The following DPP8 variants were observed in gnomAD, a reference collection of about 807,000 sequenced individuals.
DPP8 encodes DPP VIII.
In DPP8, 31 loss-of-function variants were observed where a neutral mutation model predicts 107.5. That is an observed-to-expected ratio of 0.29 (90% confidence interval 0.22 to 0.39). DPP8 has a LOEUF of 0.39. Ranked by LOEUF, DPP8 falls within the 10% of genes least tolerant of loss-of-function variation. The pLI is 1.00. For synonymous variants in DPP8, 381 were observed against 356.6 expected, an observed-to-expected ratio of 1.07 and a Z score of -0.77; for missense variants, 842 against 1,076.1, an observed-to-expected ratio of 0.78 and a Z score of 3.04.
chr15:65,492,577 A>G (rs868624322), intron 5 of DPP8, among the ~76,000 whole-genome samples: 1 of 152,112 alleles, frequency 6.6e-6, no homozygotes, highest in Non-Finnish European at 1.5e-5. Flanking sequence ...TAGGCATTAC[A>G]TATCTCATAG....
At chr15:65,493,229 G>T (rs1049328148) in intron 5 of DPP8, among the ~76,000 whole-genome samples, 2 of 151,966 alleles carry the variant, frequency 1.3e-5, no homozygotes, top group Non-Finnish European at 2.9e-5. Context: ...GATTACAGGC[G>T]TGTGCCACCA....
At position 65,474,190 on chromosome 15, in the gene DPP8, G is replaced by A. The variant is rs1265666551; in HGVS notation, c.1536+19C>T. 1.3e-6 allele frequency: 2 copies of A among 1,558,740 alleles called. No individual in the cohort carries two copies. Among genetic ancestry groups the A allele is most frequent in the South Asian group, 2.2e-5 (2 of 89,938 alleles). On this transcript the variant is annotated intron_variant, in intron 12 of 19. Transcript: ENST00000300141. ...ACAGTAATACTGACCAAACATATCA[G>A]TAGAATAAAATAACATACATTAGAT... is the stretch of plus-strand genomic sequence containing the variant.
At chr15:65,507,147 T>A in intron 3 of DPP8, 96 bp downstream of exon 3, 2 of 614,920 alleles carry the variant, frequency 3.3e-6, no homozygotes, top group Non-Finnish European at 5.4e-6. Context: ...ATTTTTTTTA[T>A]TTACATCTAC....
chr15:65,445,552 A>C lies in DPP8; in HGVS notation c.*1332T>G, dbSNP rs1037256135. The stretch of plus-strand genomic sequence containing the variant: ...ACTGTTTACAGGCTTTAAACACCAA[A>C]AAAAAAAAGAGAGCCATGGCTTGCC... On this transcript the variant is annotated 3_prime_UTR_variant, in exon 20 of 20. Transcript: ENST00000300141. 11 of 153,512 alleles carry C rather than the reference A, an allele frequency of 7.2e-5. No homozygotes were observed. Among genetic ancestry groups the C allele is most frequent in the African/African-American group, 2.7e-4 (11 of 41,396 alleles). The allele number at this position is 153,512 out of a possible 1,614,324, so 9.5% of individuals were successfully genotyped here.
At chr15:65,483,189 T>A (rs1316925694) in intron 8 of DPP8, among the ~76,000 whole-genome samples, 2 of 151,718 alleles carry the variant, frequency 1.3e-5, no homozygotes, top group Admixed American at 6.6e-5. Flanking sequence ...GGTGATAATG[T>A]GGAGAAACTG....
At chr15:65,488,546 T>C (rs2067662239) in intron 6 of DPP8, among the ~76,000 whole-genome samples, 1 of 142,294 alleles carries the variant, frequency 7.0e-6, no homozygotes, top group Admixed American at 7.6e-5. Context: ...AGGCAGACTT[T>C]GCAGTGAGCT....
At chr15:65,515,990 G>C in intron 1 of DPP8, 1 of 470,184 alleles carries the variant, frequency 2.1e-6, no homozygotes, top group Non-Finnish European at 3.7e-6. Context: ...TCAGAGATGT[G>C]TAGCCCAATA....
intron 19 of DPP8, 119 bp downstream of exon 19, chr15:65,450,880 T>C (rs2063924166): frequency 3.1e-6 from 2 of 639,468 alleles, no homozygotes; most frequent in Admixed American, 2.9e-5. Context: ...CTTACTTTAG[T>C]TCTCTTAAGC....
At chr15:65,479,404 G>C (rs1372745696) in intron 10 of DPP8, among the ~76,000 whole-genome samples, 2 of 152,038 alleles carry the variant, frequency 1.3e-5, no homozygotes, top group African/African-American at 2.4e-5. Context: ...TTTCCAAAAA[G>C]AATTTTTCTA....
chr15:65,450,884 C>A, intron 19 of DPP8, 115 bp downstream of exon 19: 2 of 663,722 alleles, frequency 3.0e-6, no homozygotes, highest in Non-Finnish European at 2.6e-6. Context: ...CTTTAGTTCT[C>A]TTAAGCAGAG....
intron 7 of DPP8, among the ~76,000 whole-genome samples, chr15:65,486,605 A>T (rs1249335084): frequency 7.4e-6 from 1 of 135,212 alleles, no homozygotes; most frequent in African/African-American, 2.8e-5. Flanking sequence ...CAAGTGGATT[A>T]AAAAAATGTA....
At position 65,444,244 on chromosome 15, in the gene DPP8, G is replaced by C. The variant is rs1228938802; in HGVS notation, c.*2640C>G. 2 of 152,174 alleles carry C rather than the reference G, an allele frequency of 1.3e-5. No individual in the cohort carries two copies. Among genetic ancestry groups the C allele is most frequent in the Non-Finnish European group, 2.9e-5 (2 of 68,032 alleles). The allele number at this position is 152,174 out of a possible 1,614,324, so 9.4% of individuals were successfully genotyped here. ...TGGGAATACACATTTTTAAGAGTGA[G>C]ATTCAAAACTCTACATTTCTTTTAG... On this transcript the variant is annotated 3_prime_UTR_variant, in exon 20 of 20. Transcript: ENST00000300141.
intron 9 of DPP8, 39 bp from the exon 10 acceptor site, chr15:65,480,438 C>A (rs2066817218): frequency 6.6e-7 from 1 of 1,509,890 alleles, no homozygotes; most frequent in East Asian, 2.3e-5. Context: ...AGAAATAAAG[C>A]AAGCTATCAG....
chr15:65,481,557 A>G lies in DPP8; in HGVS notation c.1076T>C (p.Val359Ala). ...CCATCCAGCTCTGGCAATATATTCAACTCCTTCAAATAGAATCTCAAAAGG... is the reference window on the plus strand; with the variant it reads ...CCATCCAGCTCTGGCAATATATTCAGCTCCTTCAAATAGAATCTCAAAAGG... ...IQPFEILFEG[V>A]EYIARAGWTP... Residue 359 changes from valine to alanine, a missense_variant, in exon 9 of 20, where the codon GTT becomes GCT. Physicochemically the swap from Val to Ala is moderately conservative, Grantham distance 64. Around this residue, in one of 2 missense-constraint regions of DPP8, gnomAD observed 663 missense variants for 758.0 expected, o/e 0.87. Transcript: ENST00000300141. 5 of 1,594,104 alleles carry G rather than the reference A, an allele frequency of 3.1e-6. No individual in the cohort carries two copies. Among genetic ancestry groups the G allele is most frequent in the Non-Finnish European group, 4.3e-6 (5 of 1,172,192 alleles).
intron 10 of DPP8, 135 bp downstream of exon 10, chr15:65,480,087 G>C (rs914210078): frequency 2.3e-5 from 16 of 687,564 alleles, no homozygotes; most frequent in African/African-American, 2.0e-4. Context: ...ACTCCAATTG[G>C]AAATGCTCAT....
At chr15:65,500,887 T>G (rs1447483277) in intron 3 of DPP8, 108 bp from the exon 4 acceptor site, 2 of 949,816 alleles carry the variant, frequency 2.1e-6, no homozygotes, top group East Asian at 5.0e-5. Flanking sequence ...TTTTTTTTTT[T>G]TTTTTTTTGA....
chr15:65,480,490 T>C, intron 9 of DPP8, 91 bp from the exon 10 acceptor site: 2 of 836,464 alleles, frequency 2.4e-6, no homozygotes, highest in East Asian at 2.6e-5. Flanking sequence ...CTATCAATTA[T>C]ATCTGTAATC....
intron 3 of DPP8, among the ~76,000 whole-genome samples, chr15:65,505,983 GT>G (rs1175220362): frequency 3.1e-4 from 44 of 139,782 alleles, no homozygotes; most frequent in Middle Eastern, 4.0e-3. Context: ...TGTTATAAAA[GT>G]TTTTTTTTTT....
intron 9 of DPP8, among the ~76,000 whole-genome samples, chr15:65,481,015 T>C (rs908341803): frequency 1.3e-5 from 2 of 151,824 alleles, no homozygotes; most frequent in African/African-American, 2.4e-5. Flanking sequence ...GCCAGGGAGG[T>C]TGAGGCTGCA....
Sources: allele counts gnomAD v4.1 joint callset (sites outside exome capture counted in the v4.1 genomes callset), GRCh38; gene constraint gnomAD v4.1.1; regional missense constraint gnomAD v4.1.1; transcripts MANE v1.5; gene names NCBI Gene and HGNC (gene_info 2026-07-23, HGNC 2026-07-21).